Variants in KIF5B observed in about 807,000 individuals in gnomAD.
KIF5B encodes kinesin family member 5B.
In KIF5B, 49 loss-of-function variants were observed where a neutral mutation model predicts 132.8. The observed-to-expected ratio is 0.37, with a 90% CI of 0.29 to 0.47. KIF5B has a LOEUF of 0.47. Ranked by LOEUF, KIF5B falls within the 20% of genes least tolerant of loss-of-function variation. The probability of loss-of-function intolerance (pLI) is 1.00; values close to 1 mark genes in which losing one functional copy is unlikely to be tolerated. For synonymous variants in KIF5B, 355 were observed against 369.4 expected, an observed-to-expected ratio of 0.96 and a Z score of 0.45; for missense variants, 780 against 1,144.0, an observed-to-expected ratio of 0.68 and a Z score of 4.59.
In KIF5B at chr10:32,037,381, G is replaced by T; in HGVS notation, c.587-3C>A. The stretch of plus-strand genomic sequence containing the variant: ...CCTAGAGCTATGTTCATTCATATCT[G>T]CAAGGAAATTACACAAACAAATATA... On this transcript the variant is annotated splice_polypyrimidine_tract_variant and splice_region_variant and intron_variant, in intron 7 of 25. Coordinates refer to ENST00000302418, the MANE Select transcript of KIF5B (RefSeq NM_004521.3). 2 of 1,609,318 alleles carry T rather than the reference G, an allele frequency of 1.2e-6. No individual in the cohort carries two copies. The highest frequency in any genetic ancestry group is 1.7e-6 in the Non-Finnish European group (2 of 1,178,170).
chr10:32,017,193 T>G lies in KIF5B; in HGVS notation c.2711A>C (p.Glu904Ala). 1 of 1,614,256 alleles carries G rather than the reference T, an allele frequency of 6.2e-7. No individual in the cohort carries two copies. Among genetic ancestry groups the G allele is most frequent in the Admixed American group, 1.7e-5 (1 of 60,036 alleles). The change falls in exon 24 of 26, where the codon GAA becomes GCA. Residue 904 changes from glutamate (E) to alanine (A), a missense_variant. Glu to Ala is a moderately radical substitution (Grantham distance 107). Transcript: ENST00000302418. Reference protein sequence around the residue: ...RYQQEVDRIKEAVRSKNMARR... With the variant: ...RYQQEVDRIKAAVRSKNMARR... ...GGCCATATTCTTTGACCTGACTGCT[T>G]CCTTTATGCGATCTACTTCTTGCTG...
chr10:32,024,146 CTTTTTTTT>C (rs769483155), intron 15 of KIF5B, among the ~76,000 whole-genome samples: 6 of 69,744 alleles, frequency 8.6e-5, no homozygotes, highest in Non-Finnish European at 1.2e-4. Context: ...ATGAAGAACT[CTTTTTTTT>C]TTTTTTTTTT....
Position 32,021,305 on chromosome 10 carries a change from A to G in KIF5B, c.2033-18T>C, listed in dbSNP as rs1841255714. The G allele has an allele frequency of 2.5e-6, 4 of 1,575,498 alleles. No individual in the cohort carries two copies. The highest frequency in any genetic ancestry group is 3.5e-6 in the Non-Finnish European group (4 of 1,146,632). On this transcript the variant is annotated intron_variant, in intron 17 of 25. Transcript: ENST00000302418. ...GACTTTCTCTGTTTGAATAGAGAGA[A>G]AATAGAAGAGTGAAATAAGCCTTTA...
chr10:32,043,254 C>G (rs192941859), intron 2 of KIF5B, among the ~76,000 whole-genome samples: 1 of 152,186 alleles, frequency 6.6e-6, no homozygotes, highest in East Asian at 1.9e-4. Flanking sequence ...TCGCCCACTT[C>G]GGCCTCCCAA....
intron 20 of KIF5B, 96 bp downstream of exon 20, chr10:32,019,762 G>GTA (rs1254252411): frequency 2.6e-6 from 2 of 762,118 alleles, no homozygotes; most frequent in Non-Finnish European, 4.2e-6. Context: ...CCCATACAAA[G>GTA]TAAAATATGT....
intron 8 of KIF5B, among the ~76,000 whole-genome samples, chr10:32,036,286 C>T (rs1000896961): frequency 6.6e-6 from 1 of 152,184 alleles, no homozygotes; most frequent in Non-Finnish European, 1.5e-5. Context: ...CATTAGAAAA[C>T]AGGAACCTTC....
chr10:32,023,144 T>C, intron 15 of KIF5B, 108 bp from the exon 16 acceptor site: 1 of 512,082 alleles, frequency 2.0e-6, no homozygotes. Flanking sequence ...TATTACTCAA[T>C]ATTCATACAA....
rs752048582 is a variant in KIF5B, at chr10:32,010,863, T to C, written c.*674A>G. 10 of 152,180 alleles carry C rather than the reference T, an allele frequency of 6.6e-5. No homozygotes were observed. The highest frequency in any genetic ancestry group is 1.2e-4 in the Non-Finnish European group (8 of 67,992). 9.4% of individuals were successfully genotyped at this position (152,180 alleles called of 1,614,324 possible). On this transcript the variant is annotated 3_prime_UTR_variant, in exon 26 of 26. Coordinates refer to ENST00000302418, the MANE Select transcript of KIF5B (RefSeq NM_004521.3). ...AACAGGCATTTCATGAGATAACAAG[T>C]AGCCTTGCTCAGTCTCAAATGCCTA... is the stretch of plus-strand genomic sequence containing the variant.
Position 32,035,582 on chromosome 10 carries a change from C to A in KIF5B, c.902G>T (p.Cys301Phe). The A allele has an allele frequency of 6.2e-7, 1 of 1,613,212 alleles. No individual in the cohort carries two copies. Among genetic ancestry groups the A allele is most frequent in the South Asian group, 1.1e-5 (1 of 91,040 alleles). Residue 301 changes from cysteine to phenylalanine, a missense_variant, in exon 10 of 26, where the codon TGC becomes TTC. Cys to Phe is a radical substitution (Grantham distance 205, BLOSUM62 -2). This residue lies in a region of KIF5B where 15 missense variants were observed against 34.4 expected (regional missense o/e 0.44). Coordinates refer to ENST00000302418, the MANE Select transcript of KIF5B (RefSeq NM_004521.3). ...GGNCRTTIVI[C>F]CSPSSYNESE... Reference sequence around the variant, plus strand: ...CTCATTGTATGATGATGGAGAGCAGCAAATTACAATAGTGGTTCTACAGTT... The same window carrying A: ...CTCATTGTATGATGATGGAGAGCAGAAAATTACAATAGTGGTTCTACAGTT...
At chr10:32,028,642 G>A (rs1198274891) in intron 14 of KIF5B, 71 bp from the exon 15 acceptor site, 4 of 1,330,838 alleles carry the variant, frequency 3.0e-6, no homozygotes, top group Non-Finnish European at 4.2e-6. Context: ...ACTCATCGGT[G>A]TTTCAAGTTT....
In KIF5B at chr10:32,009,045, T is replaced by C. The variant is rs985879696; in HGVS notation, c.*2492A>G. Reference sequence around the variant, plus strand: ...AAAAATTTTCCTCTTTATTTAAACATAAAACGCATTTACAACATGCAAGTT... The same window carrying C: ...AAAAATTTTCCTCTTTATTTAAACACAAAACGCATTTACAACATGCAAGTT... On this transcript the variant is annotated 3_prime_UTR_variant, in exon 26 of 26. Transcript: ENST00000302418. 13 of 152,178 alleles carry C rather than the reference T, an allele frequency of 8.5e-5. No homozygotes were observed. The highest frequency in any genetic ancestry group is 2.9e-4 in the African/African-American group (12 of 41,430). 9.4% of individuals were successfully genotyped at this position (152,178 alleles called of 1,614,324 possible).
chr10:32,029,749 T>C (rs571453115), intron 14 of KIF5B, among the ~76,000 whole-genome samples: 1 of 152,306 alleles, frequency 6.6e-6, no homozygotes, highest in Admixed American at 6.5e-5. Context: ...AATATAACTG[T>C]CTTAAAGACT....
At position 32,016,782 on chromosome 10, in the gene KIF5B, C is replaced by T. The variant is rs112570898; in HGVS notation, c.2761+361G>A. Among the ~76,000 whole-genome samples the T allele has an allele frequency of 2.7e-3, 413 of 152,286 alleles. 1 individual carries two copies. Among genetic ancestry groups the T allele is most frequent in the Non-Finnish European group, 3.6e-3 (243 of 68,014 alleles). ...AACTTCTGACCTCAGGTGATCCACCCGCCTCGACCTCCCAAAGTGTTGGGA... is the reference window on the plus strand; with the variant it reads ...AACTTCTGACCTCAGGTGATCCACCTGCCTCGACCTCCCAAAGTGTTGGGA... On this transcript the variant is annotated intron_variant, in intron 24 of 25. Coordinates refer to ENST00000302418, the MANE Select transcript of KIF5B (RefSeq NM_004521.3).
At chr10:32,037,630 A>C in intron 6 of KIF5B, 23 bp from the exon 7 acceptor site, 1 of 1,538,854 alleles carries the variant, frequency 6.5e-7, no homozygotes, top group Non-Finnish European at 9.0e-7. Context: ...TTTTAAAAAT[A>C]TGTTAATGTC....
At position 32,039,334 on chromosome 10, in the gene KIF5B, T is replaced by G; in HGVS notation, c.386A>C (p.His129Pro). 5 of 1,132,200 alleles carry G rather than the reference T, an allele frequency of 4.4e-6. No individual in the cohort carries two copies. The highest frequency in any genetic ancestry group is 5.2e-6 in the Non-Finnish European group (4 of 774,754). 70.1% of individuals were successfully genotyped at this position (1,132,200 alleles called of 1,614,324 possible). ...TTTCCTCAAGGAATTTACCTTAATA[T>G]GAAATTCCAAATTTTCATCCATGGA... ...IYSMDENLEF[H>P]IKVSYFEIYL... Residue 129 changes from histidine (H) to proline (P), a missense_variant, in exon 4 of 26, where the codon CAT (histidine) becomes CCT (proline). Physicochemically the swap from His to Pro is moderately conservative, Grantham distance 77 (BLOSUM62 -2). Transcript: ENST00000302418.
At chr10:32,039,790 T>C (rs1841508518) in intron 3 of KIF5B, among the ~76,000 whole-genome samples, 1 of 152,204 alleles carries the variant, frequency 6.6e-6, no homozygotes, top group Non-Finnish European at 1.5e-5. Context: ...AGGATGTCCT[T>C]GTTCTCTATG....
intron 17 of KIF5B, among the ~76,000 whole-genome samples, chr10:32,021,622 T>G (rs907200700): frequency 1.3e-5 from 2 of 151,314 alleles, no homozygotes; most frequent in African/African-American, 4.9e-5. Context: ...GCTTCGTAAC[T>G]GTGGGAAATC....
At chr10:32,029,768 C>A (rs1012975778) in intron 14 of KIF5B, among the ~76,000 whole-genome samples, 1 of 152,114 alleles carries the variant, frequency 6.6e-6, no homozygotes, top group African/African-American at 2.4e-5. Context: ...CTAAAATCAG[C>A]GGCCAAGGAC....
intron 2 of KIF5B, among the ~76,000 whole-genome samples, chr10:32,041,100 C>T (rs559524744): frequency 2.1e-5 from 3 of 146,208 alleles, no homozygotes; most frequent in East Asian, 4.0e-4. Flanking sequence ...GAGCTGAGAT[C>T]GAGCCACTGC....
Sources: allele counts gnomAD v4.1 joint callset (sites outside exome capture counted in the v4.1 genomes callset), GRCh38; gene constraint gnomAD v4.1.1; regional missense constraint gnomAD v4.1.1; transcripts MANE v1.5; gene names NCBI Gene and HGNC (gene_info 2026-07-23, HGNC 2026-07-21).